Variants in MME observed in about 807,000 individuals in gnomAD.
MME encodes neprilysin.
Under a neutral mutation model 113.2 loss-of-function variants are expected in MME, and 98 were observed. The ratio of observed to expected loss-of-function variants is 0.87; its 90% CI spans 0.74 to 1.02. The LOEUF is 1.02. MME is among the 50% of genes least tolerant of loss of function. MME has a pLI of 0.00. For synonymous variants in MME, 292 were observed against 300.6 expected, an observed-to-expected ratio of 0.97 and a Z score of 0.30; for missense variants, 836 against 896.0, an observed-to-expected ratio of 0.93 and a Z score of 0.86.
In MME at chr3:155,137,511, C is replaced by G. The variant is rs185138056; in HGVS notation, c.721-591C>G. 2.5e-4 allele frequency among the ~76,000 whole-genome samples: 38 copies of G among 152,150 alleles called. No homozygotes were observed. In the East Asian group the frequency reaches 5.8e-3, roughly 23 times the overall value. The stretch of plus-strand genomic sequence containing the variant: ...CACAATGTCAGGAGTTTCAGACCAG[C>G]CTGGCCAACATAGTGAAATCCTGTC... On this transcript the variant is annotated intron_variant, in intron 8 of 22. Coordinates refer to ENST00000360490, the MANE Select transcript of MME (RefSeq NM_007289.4).
At chr3:155,054,083 A>G (rs1357787843) in intron 1 of MME, among the ~76,000 whole-genome samples, 1 of 152,202 alleles carries the variant, frequency 6.6e-6, no homozygotes, top group African/African-American at 2.4e-5. Flanking sequence ...GAGAGAATAA[A>G]TTTATGTTGT....
At chr3:155,153,145 G>A (rs1453446468) in intron 16 of MME, among the ~76,000 whole-genome samples, 1 of 151,550 alleles carries the variant, frequency 6.6e-6, no homozygotes, top group Non-Finnish European at 1.5e-5. Context: ...TCCTGCCCCA[G>A]CCTCCCGAGT....
At chr3:155,145,036 T>C (rs1018356044) in intron 14 of MME, among the ~76,000 whole-genome samples, 5 of 152,182 alleles carry the variant, frequency 3.3e-5, no homozygotes, top group Non-Finnish European at 7.3e-5. Flanking sequence ...CAATAATAAA[T>C]GTATTTTAAT....
intron 17 of MME, among the ~76,000 whole-genome samples, chr3:155,165,396 A>C (rs1723024249): frequency 6.6e-6 from 1 of 152,180 alleles, no homozygotes; most frequent in Non-Finnish European, 1.5e-5. Context: ...ATAGTGAAAT[A>C]TATTTCATGA....
At chr3:155,045,693 A>C (rs1165746220) in intron 1 of MME, among the ~76,000 whole-genome samples, 1 of 151,388 alleles carries the variant, frequency 6.6e-6, no homozygotes, top group Admixed American at 6.6e-5. Context: ...TCAATGAATC[A>C]GTCTTTGGTT....
At chr3:155,160,360 A>G in intron 16 of MME, 30 bp from the exon 17 acceptor site, 1 of 1,474,276 alleles carries the variant, frequency 6.8e-7, no homozygotes, top group Non-Finnish European at 9.5e-7. Context: ...ATGCAGTATC[A>G]TTTGTAAAGA....
chr3:155,075,426 A>G (rs1031949761), upstream of MME, among the ~76,000 whole-genome samples: 1 of 152,076 alleles, frequency 6.6e-6, no homozygotes, highest in Non-Finnish European at 1.5e-5. Context: ...ATTTATTGCA[A>G]TTAATATATT....
chr3:155,172,965 G>A (rs1402709910), intron 22 of MME, among the ~76,000 whole-genome samples: 2 of 151,896 alleles, frequency 1.3e-5, no homozygotes, highest in Non-Finnish European at 2.9e-5. Flanking sequence ...GACCCAATGA[G>A]CTCCAACTTG....
chr3:155,092,967 G>A (rs1716418572), intron 3 of MME, among the ~76,000 whole-genome samples: 1 of 151,818 alleles, frequency 6.6e-6, no homozygotes, highest in Non-Finnish European at 1.5e-5. Context: ...AAATTGGATT[G>A]TGGTGATGGT....
intron 16 of MME, chr3:155,158,645 C>T (rs796334294): frequency 2.2e-4 from 33 of 152,128 alleles, no homozygotes; most frequent in African/African-American, 7.0e-4. Flanking sequence ...GTCACGTCAA[C>T]GCAATCTATT....
At chr3:155,098,109 G>C (rs1303152373) in intron 3 of MME, among the ~76,000 whole-genome samples, 4 of 152,144 alleles carry the variant, frequency 2.6e-5, no homozygotes, top group African/African-American at 4.8e-5. Context: ...ATAGACTAGA[G>C]TTGGAAGGGA....
At chr3:155,158,460 A>G (rs1722467735) in intron 16 of MME, 1 of 152,102 alleles carries the variant, frequency 6.6e-6, no homozygotes. Flanking sequence ...CATGCAAGGA[A>G]CAATGTTTCC....
At chr3:155,166,826 A>C in intron 17 of MME, 76 bp from the exon 18 acceptor site, 1 of 1,578,134 alleles carries the variant, frequency 6.3e-7, no homozygotes, top group Non-Finnish European at 8.7e-7. Context: ...CTGAGGAGGG[A>C]GGACTGTCTC....
intron 1 of MME, among the ~76,000 whole-genome samples, chr3:155,064,175 G>T (rs957886061): frequency 3.3e-5 from 5 of 152,064 alleles, no homozygotes; most frequent in African/African-American, 1.2e-4. Flanking sequence ...TGTAATCCCA[G>T]GTAGTCGGGA....
intron 1 of MME, among the ~76,000 whole-genome samples, chr3:155,048,958 A>C (rs1201439162): frequency 1.3e-5 from 2 of 152,016 alleles, no homozygotes; most frequent in Admixed American, 6.6e-5. Flanking sequence ...CCATTTCAAA[A>C]ACTCTGTTTT....
intron 18 of MME, among the ~76,000 whole-genome samples, chr3:155,167,469 A>G (rs1723188795): frequency 6.6e-6 from 1 of 151,790 alleles, no homozygotes. Context: ...TGTACCTACT[A>G]CCTAGTTCAA....
intron 16 of MME, among the ~76,000 whole-genome samples, chr3:155,155,874 C>G (rs1468716051): frequency 1.3e-5 from 2 of 152,166 alleles, no homozygotes; most frequent in Non-Finnish European, 2.9e-5. Context: ...ATAAGGTTAG[C>G]AAAGACTAAA....
At chr3:155,060,672 G>A (rs80208435) in intron 1 of MME, among the ~76,000 whole-genome samples, 6,660 of 152,146 alleles carry the variant, frequency 0.044, 159 homozygotes, top group African/African-American at 0.053. Flanking sequence ...AAGAATTGCC[G>A]CAATAAATAT....
At chr3:155,089,843 C>A (rs946819443) in intron 3 of MME, 1 of 453,032 alleles carries the variant, frequency 2.2e-6, no homozygotes, top group Non-Finnish European at 4.4e-6. Flanking sequence ...GGCATGGTAG[C>A]ACGCGCCTAT....
Sources: allele counts gnomAD v4.1 joint callset (sites outside exome capture counted in the v4.1 genomes callset), GRCh38; gene constraint gnomAD v4.1.1; transcripts MANE v1.5; gene names NCBI Gene and HGNC (gene_info 2026-07-23, HGNC 2026-07-21).